MYL3: variants seen among roughly 807,000 people sequenced by gnomAD.
MYL3 encodes the protein myosin light chain 3, also known as CMLC1.
In MYL3, 11 loss-of-function variants were observed where a neutral mutation model predicts 21.3. That is an observed-to-expected ratio of 0.52 (90% CI 0.32 to 0.85). The LOEUF is 0.85. MYL3 is among the 40% of genes least tolerant of loss of function. The probability of loss-of-function intolerance (pLI) is 0.03; values close to 1 mark genes in which losing one functional copy is unlikely to be tolerated. For missense variants in MYL3, 206 were observed against 253.3 expected (o/e 0.81, Z 1.27); for synonymous variants, 88 against 91.6 (o/e 0.96, Z 0.22).
rs547564545 is a variant in MYL3, at chr3:46,876,375, T to C, written c.-218+5699A>G. ...CAGAGCACAGGGGAACTCTCCCTCC[T>C]TTGGGCACAACTGCCCACTGACCTC... is the stretch of plus-strand genomic sequence containing the variant. On this transcript the variant is annotated intron_variant, in intron 1 of 3. Coordinates refer to the MYL3 transcript ENST00000431168. Among the ~76,000 whole-genome samples, 36 of 152,300 alleles carry C rather than the reference T, an allele frequency of 2.4e-4. No homozygotes were observed. In the East Asian group the frequency reaches 6.6e-3, roughly 28 times the overall value.
At position 46,862,303 on chromosome 3, in the gene MYL3, G is replaced by T. The variant is rs1340733220; in HGVS notation, c.129+959C>A. 2.0e-5 allele frequency among the ~76,000 whole-genome samples: 3 copies of T among 152,236 alleles called. No individual in the cohort carries two copies. In the South Asian group the frequency reaches 6.2e-4, roughly 31 times the overall value. On this transcript the variant is annotated intron_variant, in intron 1 of 6. Coordinates refer to ENST00000292327, the MANE Select transcript of MYL3 (RefSeq NM_000258.3). The stretch of plus-strand genomic sequence containing the variant: ...CCAGCAGCCCTGCAAGAGGGGACTT[G>T]CTGTTCTGTTTCACAGCTGAGGAAA...
At chr3:46,866,113 TGGAG>T (rs1414565729), upstream of MYL3, among the ~76,000 whole-genome samples, 4 of 8,916 alleles carry the variant, frequency 4.5e-4, no homozygotes, top group African/African-American at 2.1e-3. Context: ...GAGTTGGGGG[TGGAG>T]GGAGGGAGGG....
intron 1 of MYL3, chr3:46,877,614 G>A (rs1192432392): frequency 6.6e-6 from 1 of 152,238 alleles, no homozygotes; most frequent in Non-Finnish European, 1.5e-5. Context: ...TCCTACTCCT[G>A]ACTAGGAGCC....
At chr3:46,869,102 C>T (rs775035440) in intron 1 of MYL3, among the ~76,000 whole-genome samples, 47 of 152,282 alleles carry the variant, frequency 3.1e-4, no homozygotes, top group African/African-American at 5.1e-4. Flanking sequence ...GTCCAGCTTC[C>T]GGACAGGGGC....
rs1047270850 is a variant in MYL3 at position 46,860,141 on chromosome 3, T to G, written c.308-493A>C. ...TATTTATTCATTCATTTATTTATTT[T>G]TAGACACGAGGTCTTCTTGTTACGT... On this transcript the variant is annotated intron_variant, in intron 3 of 6. Coordinates refer to ENST00000292327, the MANE Select transcript of MYL3 (RefSeq NM_000258.3). This position sits in a 1 kb window ranked among gnomAD's most constrained non-coding sequence, Gnocchi z 4.6. Among the ~76,000 whole-genome samples the G allele has an allele frequency of 6.6e-6, 1 of 152,116 alleles. No homozygotes were observed. The highest frequency in any genetic ancestry group is 2.4e-5 in the African/African-American group (1 of 41,410).
intron 1 of MYL3, among the ~76,000 whole-genome samples, chr3:46,873,673 T>G (rs1455274453): frequency 1.3e-5 from 2 of 152,132 alleles, no homozygotes; most frequent in African/African-American, 2.4e-5. Context: ...GAGGACAGGA[T>G]GTACTGGATG....
At chr3:46,865,888 G>A (rs1702043829), upstream of MYL3, among the ~76,000 whole-genome samples, 1 of 152,160 alleles carries the variant, frequency 6.6e-6, no homozygotes, top group Non-Finnish European at 1.5e-5. The surrounding 1 kb of genome is among the most constrained non-coding windows in gnomAD (Gnocchi z 4.3). Flanking sequence ...TGAAGGCTAG[G>A]GCCAGGATGG....
chr3:46,869,332 C>A (rs1702082891), intron 1 of MYL3, among the ~76,000 whole-genome samples: 1 of 152,220 alleles, frequency 6.6e-6, no homozygotes, highest in South Asian at 2.1e-4. Context: ...TGACCAGAAG[C>A]CCCACCTAGA....
intron 1 of MYL3, 76 bp downstream of exon 1, chr3:46,863,186 T>A: frequency 1.2e-6 from 2 of 1,603,268 alleles, no homozygotes; most frequent in Non-Finnish European, 8.5e-7. Flanking sequence ...GAGCCTGACC[T>A]GCCTCTTGCT....
At position 46,861,126 on chromosome 3, in the gene MYL3, C is replaced by A; in HGVS notation, c.130-139G>T. 1 of 978,682 alleles carries A rather than the reference C, an allele frequency of 1.0e-6. No homozygotes were observed. Among genetic ancestry groups the A allele is most frequent in the Non-Finnish European group, 1.6e-6 (1 of 621,040 alleles). 60.6% of individuals were successfully genotyped at this position (978,682 alleles called of 1,614,324 possible). ...AGCATCCCAGCCTGCACCCCCAGGA[C>A]CTCCTGCAGTCCATCTTGACGCCCT... On this transcript the variant is annotated intron_variant, in intron 1 of 6. Transcript: ENST00000292327. The surrounding 1 kb of genome is among the most constrained non-coding windows in gnomAD (Gnocchi z 4.2).
At chr3:46,858,790 G>A (rs1179431223) in intron 4 of MYL3, among the ~76,000 whole-genome samples, 1 of 152,184 alleles carries the variant, frequency 6.6e-6, no homozygotes, top group Non-Finnish European at 1.5e-5. Context: ...TGGAGTTGGG[G>A]ATCTTGGGAG....
chr3:46,868,878 T>G (rs1413828314), intron 1 of MYL3, among the ~76,000 whole-genome samples: 2 of 152,220 alleles, frequency 1.3e-5, no homozygotes, highest in African/African-American at 4.8e-5. Flanking sequence ...CAGTTGGGTC[T>G]GTGCATTCTG....
Position 46,859,499 on chromosome 3 carries a change from G to C in MYL3, c.457C>G (p.Leu153Val). Reference protein sequence around the residue: ...EGNGTVMGAELRHVLATLGER... With the variant: ...EGNGTVMGAEVRHVLATLGER... Reference sequence around the variant, plus strand: ...CCCAGCGTGGCCAGCACGTGGCGAAGCTCAGCACCCATGACAGTGCCATTG... The same window carrying C: ...CCCAGCGTGGCCAGCACGTGGCGAACCTCAGCACCCATGACAGTGCCATTG... Residue 153 changes from leucine (L) to valine (V), a missense_variant, in exon 4 of 7, where the codon CTT becomes GTT. Coordinates refer to ENST00000292327, the MANE Select transcript of MYL3 (RefSeq NM_000258.3). The surrounding 1 kb of genome is among the most constrained non-coding windows in gnomAD (Gnocchi z 4.1). 6.2e-7 allele frequency: 1 copy of C among 1,614,192 alleles called. No homozygotes were observed. Among genetic ancestry groups the C allele is most frequent in the South Asian group, 1.1e-5 (1 of 91,080 alleles).
upstream of MYL3, among the ~76,000 whole-genome samples, chr3:46,865,752 C>A (rs1008840391): frequency 6.6e-6 from 1 of 152,130 alleles, no homozygotes; most frequent in African/African-American, 2.4e-5. The surrounding 1 kb of genome is among the most constrained non-coding windows in gnomAD (Gnocchi z 4.3). Context: ...TGCCACCTTC[C>A]TCCACCTGTG....
At position 46,879,622 on chromosome 3, in the gene MYL3, C is replaced by T. The variant is rs993249213; in HGVS notation, c.-218+2452G>A. Reference sequence around the variant, plus strand: ...ATTACCCAGGTGTGGTAGCTCATGCCTGTGGTGCCAGCTACATGAGAGGCT... The same window carrying T: ...ATTACCCAGGTGTGGTAGCTCATGCTTGTGGTGCCAGCTACATGAGAGGCT... On this transcript the variant is annotated intron_variant, in intron 1 of 3. Transcript: ENST00000431168. This position sits in a 1 kb window ranked among gnomAD's most constrained non-coding sequence, Gnocchi z 4.7. 6.6e-6 allele frequency among the ~76,000 whole-genome samples: 1 copy of T among 152,152 alleles called. No homozygotes were observed. The highest frequency in any genetic ancestry group is 6.5e-5 in the Admixed American group (1 of 15,270).
chr3:46,862,820 G>A (rs554046619), intron 1 of MYL3, among the ~76,000 whole-genome samples: 1 of 152,318 alleles, frequency 6.6e-6, no homozygotes, highest in African/African-American at 2.4e-5. Flanking sequence ...AGCCTGGACA[G>A]GGGCCCTGCT....
chr3:46,860,570 G>A lies in MYL3; in HGVS notation c.307+106C>T, dbSNP rs1575498090. 3.1e-5 allele frequency: 47 copies of A among 1,503,076 alleles called. 1 individual carries two copies. In the East Asian group the frequency reaches 4.5e-4, roughly 14 times the overall value. The allele number at this position is 1,503,076 out of a possible 1,614,324, so 93.1% of individuals were successfully genotyped here. ...CTCGGTGCCCTCATCGGGACAATGC[G>A]AGATGTCAGGAAAGATTCTCGTGCT... On this transcript the variant is annotated intron_variant, in intron 3 of 6. Coordinates refer to ENST00000292327, the MANE Select transcript of MYL3 (RefSeq NM_000258.3). This position sits in a 1 kb window ranked among gnomAD's most constrained non-coding sequence, Gnocchi z 4.6.
At chr3:46,877,794 G>C (rs1243046460) in intron 1 of MYL3, 1 of 152,276 alleles carries the variant, frequency 6.6e-6, no homozygotes, top group East Asian at 1.9e-4. Flanking sequence ...TGGCCAACTT[G>C]AGTCTGCTCT....
At position 46,859,782 on chromosome 3, in the gene MYL3, C is replaced by G; in HGVS notation, c.308-134G>C. The G allele has an allele frequency of 9.3e-7, 1 of 1,071,570 alleles. No individual in the cohort carries two copies. The highest frequency in any genetic ancestry group is 1.3e-5 in the South Asian group (1 of 77,804). The allele number at this position is 1,071,570 out of a possible 1,614,324, so 66.4% of individuals were successfully genotyped here. On this transcript the variant is annotated intron_variant, in intron 3 of 6. Coordinates refer to ENST00000292327, the MANE Select transcript of MYL3 (RefSeq NM_000258.3). The surrounding 1 kb of genome is among the most constrained non-coding windows in gnomAD (Gnocchi z 4.1). ...AGTCTACACCAGTTCTCACAGCAGT[C>G]TACACCAGTTTGCCATTTAAAAGCA...
Sources: gnomAD v4.1 joint callset for allele counts (sites outside exome capture counted in the v4.1 genomes callset) on GRCh38, gnomAD v4.1.1 for gene constraint, Gnocchi (gnomAD v3.1) non-coding constraint, MANE v1.5 for transcripts, NCBI Gene and HGNC (gene_info 2026-07-23, HGNC 2026-07-21) for gene names.